Variants in RNF216 observed in about 807,000 individuals in gnomAD.
RNF216 encodes the protein ring finger protein 216, also known as E3 ubiquitin-protein ligase RNF216.
Under a neutral mutation model 110.8 loss-of-function variants are expected in RNF216, and 72 were observed. The ratio of observed to expected loss-of-function variants is 0.65; its 90% CI spans 0.54 to 0.79. The LOEUF is 0.79. Among genes scored for constraint, RNF216 ranks in the 30% least tolerant of loss-of-function variants. The pLI is 0.00. For missense variants in RNF216, 1,342 were observed against 1,141.2 expected (o/e 1.18, Z -2.54); for synonymous variants, 495 against 407.5 (o/e 1.21, Z -2.59).
intron 3 of RNF216, among the ~76,000 whole-genome samples, chr7:5,751,381 G>C (rs1465856957): frequency 6.6e-6 from 1 of 152,154 alleles, no homozygotes; most frequent in Non-Finnish European, 1.5e-5. Flanking sequence ...TGGACTAAGT[G>C]TGTGCACTAG....
chr7:5,775,855 C>G (rs978719188), intron 1 of RNF216, among the ~76,000 whole-genome samples: 1 of 149,140 alleles, frequency 6.7e-6, no homozygotes, highest in African/African-American at 2.5e-5. Context: ...GGTGACAGAG[C>G]GAGATTCCAT....
chr7:5,780,746 G>A (rs1407314424), intron 1 of RNF216, among the ~76,000 whole-genome samples: 1 of 152,094 alleles, frequency 6.6e-6, no homozygotes, highest in Non-Finnish European at 1.5e-5. Flanking sequence ...AAAAAAGAAC[G>A]TTCTCTTTGC....
At chr7:5,780,270 G>C (rs1049385882) in intron 1 of RNF216, 2 of 152,152 alleles carry the variant, frequency 1.3e-5, no homozygotes, top group African/African-American at 2.4e-5. Context: ...AAAATGACCT[G>C]GCCAGGCTGG....
Position 5,621,171 on chromosome 7 carries a change from G to GATCTTTTTTTTTTTT in RNF216, c.*1688_*1689insAAAAAAAAAAAAGAT, listed in dbSNP as rs201794175. On this transcript the variant is annotated 3_prime_UTR_variant, in exon 17 of 17. Coordinates refer to ENST00000389902, the MANE Select transcript of RNF216 (RefSeq NM_207111.4). The stretch of plus-strand genomic sequence containing the variant: ...AAAGGCAGAAAGAATGGGTATCTTA[G>GATCTTTTTTTTTTTT]TTTTTTTTTTTTTTTTTTTAAAGAT... The GATCTTTTTTTTTTTT allele has an allele frequency of 7.2e-6, 1 of 138,438 alleles. No individual in the cohort carries two copies. The highest frequency in any genetic ancestry group is 1.6e-5 in the Non-Finnish European group (1 of 63,528). 8.6% of individuals were successfully genotyped at this position (138,438 alleles called of 1,614,324 possible).
At chr7:5,710,902 A>G (rs1440188227) in intron 13 of RNF216, among the ~76,000 whole-genome samples, 2 of 152,236 alleles carry the variant, frequency 1.3e-5, no homozygotes, top group Non-Finnish European at 2.9e-5. Flanking sequence ...CTGTTGTGAC[A>G]ATTGTTATAG....
At position 5,635,467 on chromosome 7, in the gene RNF216, C is replaced by T. The variant is rs544103724; in HGVS notation, c.2382+5687G>A. 7.2e-5 allele frequency among the ~76,000 whole-genome samples: 11 copies of T among 152,142 alleles called. No individual in the cohort carries two copies. In the South Asian group the frequency reaches 1.2e-3, roughly 17 times the overall value. On this transcript the variant is annotated intron_variant, in intron 15 of 16. Transcript: ENST00000389902. ...CTGAAGCCAAAAATCAGTTTCCAAC[C>T]TAAAAGTCTAAAATACCTTTCCTTA...
At chr7:5,628,731 G>C (rs1194480924) in intron 15 of RNF216, among the ~76,000 whole-genome samples, 4 of 150,912 alleles carry the variant, frequency 2.7e-5, no homozygotes. Context: ...ATGTTGCTCA[G>C]GCTAGTCTTG....
intron 13 of RNF216, among the ~76,000 whole-genome samples, chr7:5,664,336 G>T (rs1320372913): frequency 6.6e-6 from 1 of 152,122 alleles, no homozygotes; most frequent in African/African-American, 2.4e-5. Context: ...ATGAGTTACT[G>T]TCCTTCCTTT....
intron 2 of RNF216, among the ~76,000 whole-genome samples, chr7:5,756,815 T>G (rs1795668086): frequency 6.6e-6 from 1 of 152,148 alleles, no homozygotes; most frequent in Non-Finnish European, 1.5e-5. Context: ...TTTAATTTTT[T>G]GCAGACATGA....
chr7:5,666,213 A>G (rs1789511410), intron 13 of RNF216, among the ~76,000 whole-genome samples: 1 of 151,894 alleles, frequency 6.6e-6, no homozygotes, highest in African/African-American at 2.4e-5. Flanking sequence ...AGCTCCTACT[A>G]AGGACTATGG....
chr7:5,714,421 G>C (rs1341325882), intron 11 of RNF216, among the ~76,000 whole-genome samples: 1 of 151,992 alleles, frequency 6.6e-6, no homozygotes, highest in South Asian at 2.1e-4. Context: ...ACCAGGTCTG[G>C]CTAATCTTGT....
intron 13 of RNF216, among the ~76,000 whole-genome samples, chr7:5,662,018 G>C (rs932556958): frequency 9.9e-5 from 15 of 152,182 alleles, no homozygotes. Context: ...GACAAGCTGA[G>C]GTTACAATGG....
intron 13 of RNF216, among the ~76,000 whole-genome samples, chr7:5,691,435 G>T (rs975936986): frequency 6.6e-6 from 1 of 151,074 alleles, no homozygotes; most frequent in Non-Finnish European, 1.5e-5. Flanking sequence ...AGATGAATGC[G>T]TAAGTGTACA....
chr7:5,660,955 T>TTTTTTTTTTTTTTTTTTTTTTTTC lies in RNF216; in HGVS notation c.2062-8446_2062-8445insGAAAAAAAAAAAAAAAAAAAAAAA, dbSNP rs1562800034. Among the ~76,000 whole-genome samples, 3 of 145,596 alleles carry TTTTTTTTTTTTTTTTTTTTTTTTC rather than the reference T, an allele frequency of 2.1e-5. 1 individual carries two copies. The highest frequency in any genetic ancestry group is 5.3e-5 in the African/African-American group (2 of 37,724). ...CCTGAAGCCTTAGGTTTTTTTTTTT[T>TTTTTTTTTTTTTTTTTTTTTTTTC]TTTTTTTTTTTTTGAAACAGCATCT... On this transcript the variant is annotated intron_variant, in intron 13 of 16. Coordinates refer to ENST00000389902, the MANE Select transcript of RNF216 (RefSeq NM_207111.4).
At chr7:5,671,249 TG>T (rs1385325746) in intron 13 of RNF216, among the ~76,000 whole-genome samples, 1 of 152,230 alleles carries the variant, frequency 6.6e-6, no homozygotes, top group Non-Finnish European at 1.5e-5. Flanking sequence ...TGAATAGACT[TG>T]CCTTTGGCTC....
At position 5,660,943 on chromosome 7, in the gene RNF216, G is replaced by GTTTTTTTTTGTTTTT. The variant is rs1470327757; in HGVS notation, c.2062-8434_2062-8433insAAAAACAAAAAAAAA. On this transcript the variant is annotated intron_variant, in intron 13 of 16. Coordinates refer to ENST00000389902, the MANE Select transcript of RNF216 (RefSeq NM_207111.4). The stretch of plus-strand genomic sequence containing the variant: ...TAGCTCCATGCTCCTGAAGCCTTAG[G>GTTTTTTTTTGTTTTT]TTTTTTTTTTTTTTTTTTTTTTTTT... Among the ~76,000 whole-genome samples the GTTTTTTTTTGTTTTT allele has an allele frequency of 7.5e-4, 68 of 90,150 alleles. 1 individual carries two copies. The highest frequency in any genetic ancestry group is 3.4e-3 in the African/African-American group (63 of 18,268). 59.1% of individuals were successfully genotyped at this position (90,150 alleles called of 152,430 possible). A position where few individuals can be genotyped will look rare whatever the true frequency, so the allele number is the denominator to read the frequency against.
intron 1 of RNF216, among the ~76,000 whole-genome samples, chr7:5,771,124 G>A (rs559799864): frequency 6.6e-6 from 1 of 152,182 alleles, no homozygotes; most frequent in African/African-American, 2.4e-5. Context: ...AGTCTTATAT[G>A]AATGTTTATG....
In RNF216 at chr7:5,741,280, G is replaced by T; in HGVS notation, c.737C>A (p.Thr246Lys). The change falls in exon 4 of 17, where the codon ACA becomes AAA. Residue 246 changes from threonine to lysine, a missense_variant. Thr to Lys is a moderately conservative substitution (Grantham distance 78). Transcript: ENST00000389902. ...QSLNQQPREI[T>K]NQVVPQERQP... ...CCGTTCCTGAGGAACGACCTGGTTT[G>T]TTATTTCACGGGGCTGTTGGTTCAG... The T allele has an allele frequency of 6.2e-7, 1 of 1,614,082 alleles. No homozygotes were observed. Among genetic ancestry groups the T allele is most frequent in the Non-Finnish European group, 8.5e-7 (1 of 1,179,972 alleles).
intron 15 of RNF216, among the ~76,000 whole-genome samples, chr7:5,636,745 A>C (rs1317408754): frequency 3.3e-5 from 5 of 152,190 alleles, no homozygotes; most frequent in Admixed American, 3.3e-4. Context: ...TATCAGAGGA[A>C]ATTGGAGGGA....
Sources: allele counts gnomAD v4.1 joint callset (sites outside exome capture counted in the v4.1 genomes callset), GRCh38; gene constraint gnomAD v4.1.1; transcripts MANE v1.5; gene names NCBI Gene and HGNC (gene_info 2026-07-23, HGNC 2026-07-21).